SOX6: variants seen among roughly 807,000 people sequenced by gnomAD.
SOX6 encodes SRY-box transcription factor 6.
A neutral mutation model predicts 97.8 loss-of-function variants in SOX6; 11 were observed. The ratio of observed to expected loss-of-function variants is 0.11; its 90% confidence interval spans 0.07 to 0.19. SOX6 has a LOEUF of 0.19. Ranked by LOEUF, SOX6 falls within the 10% of genes least tolerant of loss-of-function variation. The pLI is 1.00. For synonymous variants in SOX6, 360 were observed against 371.4 expected (o/e 0.97, Z 0.35); for missense variants, 810 against 1,039.5 (o/e 0.78, Z 3.04).
intron 3 of SOX6, among the ~76,000 whole-genome samples, chr11:16,697,453 G>A (rs1007133793): frequency 6.6e-6 from 1 of 152,096 alleles, no homozygotes; most frequent in African/African-American, 2.4e-5. Context: ...GGCCAACATG[G>A]CAAAACCCCA....
chr11:16,001,518 C>T (rs1854408041), intron 13 of SOX6, among the ~76,000 whole-genome samples: 1 of 152,148 alleles, frequency 6.6e-6, no homozygotes, highest in Non-Finnish European at 1.5e-5. Context: ...TACATCACCC[C>T]TTCACCAAAG....
intron 9 of SOX6, among the ~76,000 whole-genome samples, chr11:16,090,397 A>G (rs1374952735): frequency 6.6e-6 from 1 of 152,076 alleles, no homozygotes; most frequent in Non-Finnish European, 1.5e-5. Flanking sequence ...AGTTTATCCA[A>G]TGTTTTAGTT....
chr11:16,096,225 ATAGAAAG>A (rs1848791498), intron 8 of SOX6, 107 bp from the exon 9 acceptor site: 1 of 1,352,552 alleles, frequency 7.4e-7, no homozygotes, highest in Non-Finnish European at 1.0e-6. Context: ...ACATCAAAAA[ATAGAAAG>A]TAGAAAGTTT....
At chr11:16,493,073 A>T (rs1378223940) in intron 4 of SOX6, among the ~76,000 whole-genome samples, 1 of 152,216 alleles carries the variant, frequency 6.6e-6, no homozygotes, top group Non-Finnish European at 1.5e-5. Context: ...ATAGATAAAA[A>T]TACCACATCC....
intron 4 of SOX6, among the ~76,000 whole-genome samples, chr11:16,488,551 T>C (rs1407835534): frequency 1.3e-5 from 2 of 152,120 alleles, no homozygotes; most frequent in Non-Finnish European, 2.9e-5. Flanking sequence ...GTGGCTAGTA[T>C]AGTCATCCAC....
At chr11:16,679,833 T>A (rs1486403657) in intron 3 of SOX6, among the ~76,000 whole-genome samples, 1 of 152,140 alleles carries the variant, frequency 6.6e-6, no homozygotes, top group Non-Finnish European at 1.5e-5. Context: ...CGATAGCCAA[T>A]TTGATCAAGT....
rs1341013637 is a variant in SOX6, at chr11:16,344,828, A to T, written c.-4-3576T>A. 3.3e-5 allele frequency among the ~76,000 whole-genome samples: 5 copies of T among 151,040 alleles called. No individual in the cohort carries two copies. In the East Asian group the frequency reaches 5.8e-4, roughly 18 times the overall value. Reference sequence around the variant, plus strand: ...ATGAATTGTTTTTTTAATTTGTATTAAAAAAAAATCTCCCTAGTTATACCC... The same window carrying T: ...ATGAATTGTTTTTTTAATTTGTATTTAAAAAAAATCTCCCTAGTTATACCC... On this transcript the variant is annotated intron_variant, in intron 1 of 15. Transcript: ENST00000683767.
intron 12 of SOX6, among the ~76,000 whole-genome samples, chr11:16,017,682 G>A (rs1041101550): frequency 6.6e-6 from 1 of 152,038 alleles, no homozygotes; most frequent in Non-Finnish European, 1.5e-5. Flanking sequence ...GTGGACATGG[G>A]CACAGAGAGA....
chr11:16,281,408 T>C (rs943582126), intron 3 of SOX6, among the ~76,000 whole-genome samples: 2 of 152,034 alleles, frequency 1.3e-5, no homozygotes, highest in Non-Finnish European at 2.9e-5. Flanking sequence ...AAGATATGAG[T>C]ATTTTTCCCA....
At chr11:16,572,857 A>G (rs1847950978) in intron 4 of SOX6, among the ~76,000 whole-genome samples, 1 of 152,196 alleles carries the variant, frequency 6.6e-6, no homozygotes, top group Admixed American at 6.5e-5. Flanking sequence ...GTACTTGTTG[A>G]AGAAATAAAA....
intron 3 of SOX6, among the ~76,000 whole-genome samples, chr11:16,661,197 G>A (rs950416019): frequency 2.0e-5 from 3 of 152,210 alleles, no homozygotes; most frequent in African/African-American, 4.8e-5. Context: ...ATCATGTCAT[G>A]TTCTTCTTTA....
intron 13 of SOX6, among the ~76,000 whole-genome samples, chr11:15,992,621 C>G (rs1321631920): frequency 6.6e-6 from 1 of 152,164 alleles, no homozygotes; most frequent in Admixed American, 6.5e-5. Flanking sequence ...ACCACCACCA[C>G]TAACATCCTA....
intron 11 of SOX6, among the ~76,000 whole-genome samples, chr11:16,046,964 C>A (rs1226009048): frequency 1.3e-5 from 2 of 152,116 alleles, no homozygotes; most frequent in Non-Finnish European, 2.9e-5. Context: ...GACTACAGTT[C>A]CTAGACTCCA....
intron 4 of SOX6, among the ~76,000 whole-genome samples, chr11:16,191,703 A>C (rs1357642671): frequency 6.6e-6 from 1 of 152,080 alleles, no homozygotes; most frequent in African/African-American, 2.4e-5. Context: ...AAACCACAAA[A>C]AGGGAACCAG....
intron 1 of SOX6, among the ~76,000 whole-genome samples, chr11:16,425,539 G>C (rs2133069274): frequency 6.6e-6 from 1 of 152,274 alleles, no homozygotes; most frequent in East Asian, 1.9e-4. Context: ...CCTGTTTACA[G>C]ACAACATGAT....
At chr11:16,690,388 C>T (rs992972726) in intron 3 of SOX6, among the ~76,000 whole-genome samples, 7 of 152,172 alleles carry the variant, frequency 4.6e-5, no homozygotes, top group South Asian at 2.1e-4. Flanking sequence ...TCTCTTTCAT[C>T]GGTTTTATAG....
intron 4 of SOX6, among the ~76,000 whole-genome samples, chr11:16,200,381 C>T (rs541035156): frequency 3.3e-5 from 5 of 152,308 alleles, no homozygotes; most frequent in Middle Eastern, 3.4e-3. Context: ...CTATCAGCAA[C>T]CCCATTTGAG....
intron 4 of SOX6, among the ~76,000 whole-genome samples, chr11:16,562,659 A>ACC (rs1847829113): frequency 6.6e-6 from 1 of 151,792 alleles, no homozygotes; most frequent in Admixed American, 6.6e-5. Flanking sequence ...TGGGACTTTT[A>ACC]CCCCCACCAG....
At chr11:16,118,358 G>C (rs1849404537) in intron 6 of SOX6, among the ~76,000 whole-genome samples, 1 of 152,236 alleles carries the variant, frequency 6.6e-6, no homozygotes, top group South Asian at 2.1e-4. Flanking sequence ...AATTTTAATT[G>C]CTAGGGTATT....
Sources: gnomAD v4.1 joint callset for allele counts (sites outside exome capture counted in the v4.1 genomes callset) on GRCh38, gnomAD v4.1.1 for gene constraint, MANE v1.5 for transcripts, NCBI Gene and HGNC (gene_info 2026-07-23, HGNC 2026-07-21) for gene names.